Variants in AMOTL1 observed in about 807,000 individuals in gnomAD.
The protein encoded by AMOTL1 is angiomotin-like protein 1.
In AMOTL1, 45 loss-of-function variants were observed where a neutral mutation model predicts 102.9. That is an observed-to-expected ratio of 0.44 (90% CI 0.34 to 0.56). AMOTL1 has a LOEUF of 0.56. Ranked by LOEUF, AMOTL1 falls within the 20% of genes least tolerant of loss-of-function variation. The pLI, the probability that AMOTL1 is intolerant of heterozygous loss-of-function variation, is 0.01. For synonymous variants in AMOTL1, 481 were observed against 484.7 expected, an observed-to-expected ratio of 0.99 and a Z score of 0.10; for missense variants, 1,114 against 1,225.6, an observed-to-expected ratio of 0.91 and a Z score of 1.36.
chr11:94,856,059 TTTG>T (rs958100885), intron 8 of AMOTL1, among the ~76,000 whole-genome samples: 3 of 150,732 alleles, frequency 2.0e-5, no homozygotes, highest in African/African-American at 7.3e-5. Context: ...AACATTACAG[TTTG>T]TTGTTGTTGT....
intron 2 of AMOTL1, among the ~76,000 whole-genome samples, chr11:94,736,373 T>G (rs1395568555): frequency 1.3e-5 from 2 of 152,190 alleles, no homozygotes. Flanking sequence ...TGCTTCAGCC[T>G]CCTGAGTAGC....
intron 3 of AMOTL1, among the ~76,000 whole-genome samples, chr11:94,755,674 T>C (rs1451963418): frequency 6.6e-6 from 1 of 152,136 alleles, no homozygotes; most frequent in Non-Finnish European, 1.5e-5. Flanking sequence ...GGCTCGCTTC[T>C]TCAGTGCCTC....
chr11:94,714,248 CTTA>C (rs1022298871), intron 1 of AMOTL1, among the ~76,000 whole-genome samples: 1 of 151,888 alleles, frequency 6.6e-6, no homozygotes, highest in African/African-American at 2.4e-5. Context: ...TTGGTCATGG[CTTA>C]TTATTCTTTT....
chr11:94,847,284 GT>G (rs1952435257), intron 6 of AMOTL1, among the ~76,000 whole-genome samples: 1 of 152,202 alleles, frequency 6.6e-6, no homozygotes, highest in Non-Finnish European at 1.5e-5. Flanking sequence ...TAAGCGAGCA[GT>G]GGGTTTGAAG....
chr11:94,839,547 G>A (rs565819245), intron 6 of AMOTL1, among the ~76,000 whole-genome samples: 5 of 152,274 alleles, frequency 3.3e-5, no homozygotes, highest in East Asian at 1.9e-4. Context: ...CATCTCCTAC[G>A]TACCAGGTGA....
chr11:94,859,268 A>C (rs1434381666), intron 8 of AMOTL1, among the ~76,000 whole-genome samples: 1 of 152,226 alleles, frequency 6.6e-6, no homozygotes, highest in Non-Finnish European at 1.5e-5. Flanking sequence ...TCCTGACCCT[A>C]CTACTGATAA....
chr11:94,769,346 A>AC (rs1950909501), intron 1 of AMOTL1, among the ~76,000 whole-genome samples: 1 of 152,116 alleles, frequency 6.6e-6, no homozygotes, highest in African/African-American at 2.4e-5. Flanking sequence ...TAGTGCCGGG[A>AC]CAGGGACCGA....
chr11:94,849,476 A>T (rs1252175188), intron 6 of AMOTL1, among the ~76,000 whole-genome samples: 2 of 152,222 alleles, frequency 1.3e-5, no homozygotes, highest in Non-Finnish European at 2.9e-5. Context: ...ATATGCAAAG[A>T]GAGGCAGTGA....
intron 5 of AMOTL1, 143 bp downstream of exon 5, chr11:94,830,337 A>G: frequency 1.3e-6 from 1 of 787,196 alleles, no homozygotes; most frequent in Non-Finnish European, 1.9e-6. Context: ...TGATCTGGGG[A>G]AGGGAGGAGG....
chr11:94,741,205 C>T (rs1204067579), intron 3 of AMOTL1, among the ~76,000 whole-genome samples: 3 of 150,174 alleles, frequency 2.0e-5, no homozygotes, highest in East Asian at 1.9e-4. Context: ...ATGAGCCGTG[C>T]GTGTGTGTGT....
At position 94,839,263 on chromosome 11, in the gene AMOTL1, C is replaced by T. The variant is rs557907805; in HGVS notation, c.1648+7722C>T. Among the ~76,000 whole-genome samples the T allele has an allele frequency of 1.3e-4, 20 of 152,350 alleles. 1 individual carries two copies. Among genetic ancestry groups the T allele is most frequent in the East Asian group, 1.9e-4 (1 of 5,186 alleles). ...CAGACCGGCTGTGGTCATTTAACAA[C>T]GGTAACAGCTGCCAACACTAATTGA... On this transcript the variant is annotated intron_variant, in intron 6 of 12. Transcript: ENST00000433060.
chr11:94,828,655 C>T (rs536029017), intron 4 of AMOTL1, among the ~76,000 whole-genome samples: 6 of 152,254 alleles, frequency 3.9e-5, no homozygotes, highest in East Asian at 1.9e-4. Context: ...ATTTCTGTAT[C>T]GTTGGCATCT....
intron 1 of AMOTL1, among the ~76,000 whole-genome samples, chr11:94,769,887 A>G (rs1365845403): frequency 6.6e-6 from 1 of 152,078 alleles, no homozygotes; most frequent in Non-Finnish European, 1.5e-5. Flanking sequence ...TGGTCTCGAG[A>G]GCCAGTTGTG....
chr11:94,748,515 G>A (rs1428760826), intron 3 of AMOTL1, among the ~76,000 whole-genome samples: 1 of 152,214 alleles, frequency 6.6e-6, no homozygotes, highest in Non-Finnish European at 1.5e-5. Context: ...AGAAAGAGAT[G>A]CTGGATGACT....
At chr11:94,808,439 A>AT (rs981614889) in intron 3 of AMOTL1, among the ~76,000 whole-genome samples, 1 of 151,632 alleles carries the variant, frequency 6.6e-6, no homozygotes, top group African/African-American at 2.4e-5. Flanking sequence ...TTACCCATTG[A>AT]TTTTTTTTCT....
chr11:94,840,681 T>TATACACACAC (rs1166713705), intron 6 of AMOTL1, among the ~76,000 whole-genome samples: 4 of 104,810 alleles, frequency 3.8e-5, no homozygotes, highest in African/African-American at 1.6e-4. Context: ...TATATATATA[T>TATACACACAC]ACACACACAC....
chr11:94,726,058 T>G (rs2135451579), intron 1 of AMOTL1, among the ~76,000 whole-genome samples: 1 of 152,232 alleles, frequency 6.6e-6, no homozygotes, highest in East Asian at 1.9e-4. Flanking sequence ...GATGGATTAT[T>G]GAGACATTTG....
At chr11:94,812,218 C>CTGAGA (rs1951694592) in intron 3 of AMOTL1, among the ~76,000 whole-genome samples, 1 of 152,066 alleles carries the variant, frequency 6.6e-6, no homozygotes, top group Non-Finnish European at 1.5e-5. Flanking sequence ...TTTGTGAACC[C>CTGAGA]CAAAGTATCT....
intron 1 of AMOTL1, among the ~76,000 whole-genome samples, chr11:94,779,456 G>A (rs766349637): frequency 1.3e-5 from 2 of 152,166 alleles, no homozygotes; most frequent in Non-Finnish European, 2.9e-5. Flanking sequence ...AAGATGCTTT[G>A]CTTTCCGTAG....
Sources: gnomAD v4.1 joint callset for allele counts (sites outside exome capture counted in the v4.1 genomes callset) on GRCh38, gnomAD v4.1.1 for gene constraint, MANE v1.5 for transcripts, NCBI Gene and HGNC (gene_info 2026-07-23, HGNC 2026-07-21) for gene names.